The following PCDHGB3 variants were observed in gnomAD, a reference collection of about 807,000 sequenced individuals.
PCDHGB3 encodes the protein protocadherin gamma subfamily B, 3.
PCDHGB3 carries 40 observed loss-of-function variants against 59.2 expected under a neutral mutation model. The observed-to-expected ratio is 0.68, with a 90% CI of 0.52 to 0.88. The LOEUF (loss-of-function observed/expected upper bound fraction) is 0.88, where lower values mean the gene tolerates loss of function less well. Ranked by LOEUF, PCDHGB3 falls within the 40% of genes least tolerant of loss-of-function variation. PCDHGB3 has a pLI of 0.00. For synonymous variants in PCDHGB3, 581 were observed against 503.6 expected (o/e 1.15, Z -2.06); for missense variants, 1,309 against 1,187.9 (o/e 1.10, Z -1.50).
chr5:141,431,256 C>T lies in PCDHGB3; in HGVS notation c.2415+58447C>T. The stretch of plus-strand genomic sequence containing the variant: ...TGGGATCCGGATATCGGGAAGAACT[C>T]TCTGCAGAGCTACGAGCTCAGCCCG... On this transcript the variant is annotated intron_variant, in intron 1 of 3. Transcript: ENST00000576222. This position sits in a 1 kb window ranked among gnomAD's most constrained non-coding sequence, Gnocchi z 4.8. The T allele has an allele frequency of 6.2e-7, 1 of 1,614,194 alleles. No homozygotes were observed. Among genetic ancestry groups the T allele is most frequent in the South Asian group, 1.1e-5 (1 of 91,088 alleles).
At position 141,379,889 on chromosome 5, in the gene PCDHGB3, C is replaced by CTTTTTTTTTTTTTTTTTTTTT. The variant is rs70988800; in HGVS notation, c.2415+7090_2415+7110dup. The stretch of plus-strand genomic sequence containing the variant: ...CTTATTTTATGGTCTGTGAAAGCCT[C>CTTTTTTTTTTTTTTTTTTTTT]TTTTTTTTTTTTTTTTTTTTTTTTT... On this transcript the variant is annotated intron_variant, in intron 1 of 3. Coordinates refer to ENST00000576222, the MANE Select transcript of PCDHGB3 (RefSeq NM_018924.5). Among the ~76,000 whole-genome samples, 100 of 50,832 alleles carry CTTTTTTTTTTTTTTTTTTTTT rather than the reference C, an allele frequency of 2.0e-3. 11 individuals are homozygous for CTTTTTTTTTTTTTTTTTTTTT. The highest frequency in any genetic ancestry group is 2.9e-3 in the Non-Finnish European group (74 of 25,884). 33.3% of individuals were successfully genotyped at this position (50,832 alleles called of 152,430 possible).
chr5:141,422,355 T>A, intron 1 of PCDHGB3: 1 of 1,557,416 alleles, frequency 6.4e-7, no homozygotes, highest in Non-Finnish European at 8.6e-7. Flanking sequence ...AAGATCAAGA[T>A]TCTGGAGAAA....
At chr5:141,415,701 T>C in intron 1 of PCDHGB3, 2 of 1,506,520 alleles carry the variant, frequency 1.3e-6, no homozygotes, top group Non-Finnish European at 1.8e-6. Context: ...AAAGTGTAAA[T>C]GCTAAAACAC....
chr5:141,431,648 A>G lies in PCDHGB3; in HGVS notation c.2415+58839A>G. 2 of 1,614,240 alleles carry G rather than the reference A, an allele frequency of 1.2e-6. No individual in the cohort carries two copies. The highest frequency in any genetic ancestry group is 1.7e-6 in the Non-Finnish European group (2 of 1,180,046). On this transcript the variant is annotated intron_variant, in intron 1 of 3. Transcript: ENST00000576222. The surrounding 1 kb of genome is among the most constrained non-coding windows in gnomAD (Gnocchi z 4.8). ...GGCCCAAGTTTTCAAACTAGATTGT[A>G]ATTCAGGGACAATATCAACAATAGG...
intron 1 of PCDHGB3, among the ~76,000 whole-genome samples, chr5:141,449,840 T>C (rs1367482819): frequency 6.6e-6 from 1 of 151,692 alleles, no homozygotes; most frequent in Non-Finnish European, 1.5e-5. Context: ...TTTTATATAA[T>C]TAAATTTTAA....
At chr5:141,482,755 T>TGA (rs1554165462) in intron 1 of PCDHGB3, among the ~76,000 whole-genome samples, 1 of 143,580 alleles carries the variant, frequency 7.0e-6, no homozygotes, top group Admixed American at 6.9e-5. Context: ...GGGATTATGG[T>TGA]ATTTCATTAT....
intron 1 of PCDHGB3, chr5:141,383,664 G>T (rs1486639863): frequency 6.2e-7 from 1 of 1,614,052 alleles, no homozygotes; most frequent in Non-Finnish European, 8.5e-7. Flanking sequence ...CCGAGAATGT[G>T]CCAGTGGGTA....
chr5:141,415,484 G>C (rs369349538), intron 1 of PCDHGB3: 18 of 1,614,102 alleles, frequency 1.1e-5, no homozygotes, highest in Non-Finnish European at 1.5e-5. Flanking sequence ...TCGCGAAAGA[G>C]TCACCTGATC....
chr5:141,390,867 C>CGTGTGTGT (rs61319619), intron 1 of PCDHGB3: 11 of 151,144 alleles, frequency 7.3e-5, no homozygotes, highest in African/African-American at 2.7e-4. Flanking sequence ...GCTGTGTGTG[C>CGTGTGTGT]GTGTGTGTGT....
At chr5:141,375,790 A>G (rs1284123678) in intron 1 of PCDHGB3, 9 of 1,614,216 alleles carry the variant, frequency 5.6e-6, no homozygotes, top group African/African-American at 2.7e-5. Context: ...CCCTCCCCAC[A>G]GACGGTTCCA....
chr5:141,394,194 A>C (rs919478906), intron 1 of PCDHGB3: 3 of 1,613,842 alleles, frequency 1.9e-6, no homozygotes, highest in Non-Finnish European at 2.5e-6. Flanking sequence ...CTCAGCGTAT[A>C]TCCTAGAGAA....
intron 1 of PCDHGB3, chr5:141,408,686 A>G (rs2095150873): frequency 6.2e-7 from 1 of 1,613,848 alleles, no homozygotes; most frequent in Non-Finnish European, 8.5e-7. Flanking sequence ...GGATCCTGAT[A>G]TAAACATAAA....
At chr5:141,401,278 G>A (rs1355696847) in intron 1 of PCDHGB3, among the ~76,000 whole-genome samples, 4 of 152,160 alleles carry the variant, frequency 2.6e-5, no homozygotes, top group African/African-American at 9.7e-5. Context: ...GCAGGTGGAG[G>A]TTGCGGTGAG....
chr5:141,399,893 C>G (rs2093913222), intron 1 of PCDHGB3: 2 of 1,612,566 alleles, frequency 1.2e-6, no homozygotes, highest in Non-Finnish European at 1.7e-6. Flanking sequence ...AAGGTAGTGG[C>G]CGTGGACGCA....
At chr5:141,504,364 G>A (rs764741297) in intron 2 of PCDHGB3, among the ~76,000 whole-genome samples, 2 of 152,116 alleles carry the variant, frequency 1.3e-5, no homozygotes, top group African/African-American at 2.4e-5. Flanking sequence ...GCTTCAGTAG[G>A]AAGCAGGTGG....
In PCDHGB3 at chr5:141,393,675, C is replaced by T. The variant is rs755191809; in HGVS notation, c.2415+20866C>T. The stretch of plus-strand genomic sequence containing the variant: ...CAAATTCCGGAAAATTAATGAAAAA[C>T]AAACTCCGTTATTCCAGCTTAATGA... On this transcript the variant is annotated intron_variant, in intron 1 of 3. Transcript: ENST00000576222. 4 of 1,613,756 alleles carry T rather than the reference C, an allele frequency of 2.5e-6. No individual in the cohort carries two copies. The South Asian group carries it at 3.3e-5, about 13-fold the overall frequency.
intron 1 of PCDHGB3, among the ~76,000 whole-genome samples, chr5:141,459,880 C>G (rs1240703946): frequency 6.6e-6 from 1 of 152,134 alleles, no homozygotes; most frequent in Non-Finnish European, 1.5e-5. Context: ...TTTAACTGAG[C>G]TGAACGCCTT....
At chr5:141,399,174 T>C (rs2093763814) in intron 1 of PCDHGB3, 1 of 1,613,700 alleles carries the variant, frequency 6.2e-7, no homozygotes, top group Admixed American at 1.7e-5. Context: ...ATTCTCTACT[T>C]GAAATGATTC....
intron 1 of PCDHGB3, chr5:141,374,321 C>T (rs763545631): frequency 8.7e-6 from 14 of 1,613,942 alleles, no homozygotes; most frequent in Non-Finnish European, 5.1e-6. Context: ...TCTGAATCCG[C>T]GAAACGGCAG....
Sources: allele counts gnomAD v4.1 joint callset (sites outside exome capture counted in the v4.1 genomes callset), GRCh38; gene constraint gnomAD v4.1.1; non-coding constraint Gnocchi (gnomAD v3.1); transcripts MANE v1.5; gene names NCBI Gene and HGNC (gene_info 2026-07-23, HGNC 2026-07-21).